The following CRMP1 variants were observed in gnomAD, a reference collection of about 807,000 sequenced individuals.
The protein encoded by CRMP1 is collapsin response mediator protein 1.
CRMP1 carries 19 observed loss-of-function variants against 68.3 expected under a neutral mutation model. That is an observed-to-expected ratio of 0.28 (90% confidence interval 0.19 to 0.41). The LOEUF is 0.41. CRMP1 is among the 10% of genes least tolerant of loss of function. CRMP1 has a pLI of 1.00. For missense variants in CRMP1, 791 were observed against 967.4 expected (o/e 0.82, Z 2.42); for synonymous variants, 439 against 399.6 (o/e 1.10, Z -1.18).
At position 5,841,589 on chromosome 4, in the gene CRMP1, C is replaced by T. The variant is rs1417777061; in HGVS notation, c.1033-161G>A. On this transcript the variant is annotated intron_variant, in intron 7 of 13. Transcript: ENST00000324989. The surrounding 1 kb of genome is among the most constrained non-coding windows in gnomAD (Gnocchi z 6.9). ...GCGCTTGACAGTGCCCCCTGCTCTC[C>T]GGGGTGGAGCATTGGTCTCACGCTG... Among the ~76,000 whole-genome samples, 1 of 152,176 alleles carries T rather than the reference C, an allele frequency of 6.6e-6. No homozygotes were observed. The highest frequency in any genetic ancestry group is 1.5e-5 in the Non-Finnish European group (1 of 68,032).
At chr4:5,826,797 T>TCTGCAGGTGATAGCAC (rs1212747450) in intron 12 of CRMP1, 2 of 152,564 alleles carry the variant, frequency 1.3e-5, no homozygotes, top group Non-Finnish European at 2.9e-5. Flanking sequence ...TCCCTCCTTC[T>TCTGCAGGTGATAGCAC]CTGCAGGTGA....
chr4:5,835,957 G>A lies in CRMP1; in HGVS notation c.1581C>T (p.Asp527=). 2 of 1,587,996 alleles carry A rather than the reference G, an allele frequency of 1.3e-6. No homozygotes were observed. The highest frequency in any genetic ancestry group is 1.7e-6 in the Non-Finnish European group (2 of 1,167,210). ...VGSDADVVIW[D]PDKLKTITAK... Reference sequence around the variant, plus strand: ...CTGTTATGGTCTTCAACTTGTCGGGGTCCCAGATGACCACGTCGGCATCCG... The same window carrying A: ...CTGTTATGGTCTTCAACTTGTCGGGATCCCAGATGACCACGTCGGCATCCG... The change falls in exon 11 of 14, where the codon GAC becomes GAT. Residue 527 remains aspartate, a synonymous_variant. Coordinates refer to ENST00000324989, the MANE Select transcript of CRMP1 (RefSeq NM_001014809.3).
intron 1 of CRMP1, among the ~76,000 whole-genome samples, chr4:5,869,429 T>C (rs1162197912): frequency 6.6e-6 from 1 of 152,070 alleles, no homozygotes; most frequent in Admixed American, 6.6e-5. Context: ...ATGCCTGTAA[T>C]CCCAGCACTT....
Position 5,877,974 on chromosome 4 carries a change from T to G in CRMP1, c.382-11218A>C, listed in dbSNP as rs2152473319. Reference sequence around the variant, plus strand: ...TGACCCATTTCTCTGTGTTCTGGTCTGTGCTTCTTGCTTTATAGAAAGAAA... The same window carrying G: ...TGACCCATTTCTCTGTGTTCTGGTCGGTGCTTCTTGCTTTATAGAAAGAAA... On this transcript the variant is annotated intron_variant, in intron 1 of 13. Coordinates refer to ENST00000324989, the MANE Select transcript of CRMP1 (RefSeq NM_001014809.3). This position sits in a 1 kb window ranked among gnomAD's most constrained non-coding sequence, Gnocchi z 4.3. 6.6e-6 allele frequency among the ~76,000 whole-genome samples: 1 copy of G among 152,394 alleles called. No homozygotes were observed. The highest frequency in any genetic ancestry group is 6.5e-5 in the Admixed American group (1 of 15,312).
chr4:5,892,453 G>T lies in CRMP1; in HGVS notation c.381+136C>A, dbSNP rs1715994861. ...TCTTGCATGATGAGGTGGGGGAGGG[G>T]CCGCGCCGTGGCTCTCCCCAGCCTG... On this transcript the variant is annotated intron_variant, in intron 1 of 13. Coordinates refer to ENST00000324989, the MANE Select transcript of CRMP1 (RefSeq NM_001014809.3). This position sits in a 1 kb window ranked among gnomAD's most constrained non-coding sequence, Gnocchi z 8.6. 4.5e-6 allele frequency: 4 copies of T among 896,920 alleles called. No individual in the cohort carries two copies. The South Asian group carries it at 1.7e-4, about 37-fold the overall frequency. 55.6% of individuals were successfully genotyped at this position (896,920 alleles called of 1,614,324 possible).
rs1711796021 is a variant in CRMP1 at position 5,842,268 on chromosome 4, A to G, written c.1032+825T>C. Among the ~76,000 whole-genome samples the G allele has an allele frequency of 6.6e-6, 1 of 151,700 alleles. No homozygotes were observed. Among genetic ancestry groups the G allele is most frequent in the Non-Finnish European group, 1.5e-5 (1 of 67,864 alleles). On this transcript the variant is annotated intron_variant, in intron 7 of 13. Coordinates refer to ENST00000324989, the MANE Select transcript of CRMP1 (RefSeq NM_001014809.3). This position sits in a 1 kb window ranked among gnomAD's most constrained non-coding sequence, Gnocchi z 4.5. ...CAAACAAAACAAACAAACAAAAAAC[A>G]CAAATTAGCCAGGCGTGGTGGCACA...
chr4:5,878,213 C>T (rs1035968335), intron 1 of CRMP1, among the ~76,000 whole-genome samples: 1 of 150,294 alleles, frequency 6.7e-6, no homozygotes, highest in Non-Finnish European at 1.5e-5. Flanking sequence ...TTCCACCTGG[C>T]ACCTATACAG....
chr4:5,888,133 G>C lies in CRMP1; in HGVS notation c.381+4456C>G. ...GGCGACGCAGGAGGCCTCGGGGGGC[G>C]CCCCTGCCGGCGCCCCGTGGATCTG... is the stretch of plus-strand genomic sequence containing the variant. On this transcript the variant is annotated intron_variant, in intron 1 of 13. Transcript: ENST00000324989. The surrounding 1 kb of genome is among the most constrained non-coding windows in gnomAD (Gnocchi z 6.4). The C allele has an allele frequency of 8.2e-7, 1 of 1,218,410 alleles. No homozygotes were observed. The highest frequency in any genetic ancestry group is 1.0e-6 in the Non-Finnish European group (1 of 977,456). 75.5% of individuals were successfully genotyped at this position (1,218,410 alleles called of 1,614,324 possible).
intron 1 of CRMP1, chr4:5,887,950 C>A: frequency 1.7e-6 from 1 of 577,842 alleles, no homozygotes. Context: ...TCCACGCCAT[C>A]CTCTGGCACA....
At chr4:5,836,732 C>A in intron 10 of CRMP1, 33 bp downstream of exon 10, 1 of 1,613,960 alleles carries the variant, frequency 6.2e-7, no homozygotes, top group Non-Finnish European at 8.5e-7. Context: ...TAGAGTGTTT[C>A]TAGAATGCTC....
chr4:5,825,802 C>G lies in CRMP1; in HGVS notation c.1804-143G>C. 1.3e-6 allele frequency: 1 copy of G among 754,272 alleles called. No individual in the cohort carries two copies. The highest frequency in any genetic ancestry group is 3.0e-5 in the East Asian group (1 of 33,698). The allele number at this position is 754,272 out of a possible 1,614,324, so 46.7% of individuals were successfully genotyped here. On this transcript the variant is annotated intron_variant, in intron 12 of 13. Transcript: ENST00000324989. This position sits in a 1 kb window ranked among gnomAD's most constrained non-coding sequence, Gnocchi z 4.4. ...CACACACACACACAACACGCACACA[C>G]GACAGGTGCACTTCACACACATGCA...
Position 5,889,956 on chromosome 4 carries a change from A to G in CRMP1, c.381+2633T>C. ...ACAGGAAATTGAGGCTTACAGAGGTAAAATGATGTACCCCGGGTGCAAAAC... is the reference window on the plus strand; with the variant it reads ...ACAGGAAATTGAGGCTTACAGAGGTGAAATGATGTACCCCGGGTGCAAAAC... On this transcript the variant is annotated intron_variant, in intron 1 of 13. Coordinates refer to ENST00000324989, the MANE Select transcript of CRMP1 (RefSeq NM_001014809.3). This position sits in a 1 kb window ranked among gnomAD's most constrained non-coding sequence, Gnocchi z 4.5. 1 of 1,315,496 alleles carries G rather than the reference A, an allele frequency of 7.6e-7. No homozygotes were observed. Among genetic ancestry groups the G allele is most frequent in the Non-Finnish European group, 9.8e-7 (1 of 1,024,808 alleles). The allele number at this position is 1,315,496 out of a possible 1,614,324, so 81.5% of individuals were successfully genotyped here. A position where few individuals can be genotyped will look rare whatever the true frequency, so the allele number is the denominator to read the frequency against.
intron 9 of CRMP1, among the ~76,000 whole-genome samples, chr4:5,837,492 G>T (rs1720795825): frequency 6.6e-6 from 1 of 150,956 alleles, no homozygotes; most frequent in South Asian, 2.1e-4. Flanking sequence ...GCCAGGCGTG[G>T]TGGTGGGCGC....
rs143009709 is a variant in CRMP1, at chr4:5,849,064, T to C, written c.963+328A>G. Among the ~76,000 whole-genome samples, 233 of 152,342 alleles carry C rather than the reference T, an allele frequency of 1.5e-3. No homozygotes were observed. The Middle Eastern group carries it at 0.02, about 13-fold the overall frequency. ...TCTGGAAGAAAAATAAGAGTGTTCA[T>C]GGGAAAAAGTTCCTTGCCCAAGGTC... On this transcript the variant is annotated intron_variant, in intron 6 of 13. Transcript: ENST00000324989.
chr4:5,856,945 CCAT>C (rs149364390), intron 3 of CRMP1, among the ~76,000 whole-genome samples: 569 of 8,234 alleles, frequency 0.069, 7 homozygotes, highest in South Asian at 0.13. Context: ...ACCATCATCA[CCAT>C]CACCACCACC....
chr4:5,886,629 T>C lies in CRMP1; in HGVS notation c.381+5960A>G, dbSNP rs553058139. Among the ~76,000 whole-genome samples the C allele has an allele frequency of 1.2e-4, 18 of 152,344 alleles. No individual in the cohort carries two copies. In the East Asian group the frequency reaches 3.5e-3, roughly 29 times the overall value. On this transcript the variant is annotated intron_variant, in intron 1 of 13. Transcript: ENST00000324989. ...GTTTCCACCTTGGAGACTGGGGACC[T>C]GAGAGCAGCAGAGACCTTCTGTGGG... is the stretch of plus-strand genomic sequence containing the variant.
rs1714349347 is a variant in CRMP1, at chr4:5,870,297, G to C, written c.382-3541C>G. 6.6e-6 allele frequency among the ~76,000 whole-genome samples: 1 copy of C among 152,214 alleles called. No homozygotes were observed. The highest frequency in any genetic ancestry group is 2.4e-5 in the African/African-American group (1 of 41,454). On this transcript the variant is annotated intron_variant, in intron 1 of 13. Transcript: ENST00000324989. The surrounding 1 kb of genome is among the most constrained non-coding windows in gnomAD (Gnocchi z 6.0). Reference sequence around the variant, plus strand: ...TCCCTTACCCGTTTATGTATTCACAGTATTTACGGCACATCTGGCAGGCTA... The same window carrying C: ...TCCCTTACCCGTTTATGTATTCACACTATTTACGGCACATCTGGCAGGCTA...
At chr4:5,829,531 G>C (rs1287194047) in intron 11 of CRMP1, among the ~76,000 whole-genome samples, 1 of 152,152 alleles carries the variant, frequency 6.6e-6, no homozygotes, top group African/African-American at 2.4e-5. Context: ...ACAATCAACT[G>C]GTAAAAAAGA....
chr4:5,824,007 G>T (rs1719123580), intron 13 of CRMP1, among the ~76,000 whole-genome samples: 1 of 152,244 alleles, frequency 6.6e-6, no homozygotes, highest in South Asian at 2.1e-4. Context: ...GACAGCAGTG[G>T]TGCTGTGGGC....
Sources: allele counts gnomAD v4.1 joint callset (sites outside exome capture counted in the v4.1 genomes callset), GRCh38; gene constraint gnomAD v4.1.1; non-coding constraint Gnocchi (gnomAD v3.1); transcripts MANE v1.5; gene names NCBI Gene and HGNC (gene_info 2026-07-23, HGNC 2026-07-21).